DNAH14: variants seen among roughly 807,000 people sequenced by gnomAD.
DNAH14 encodes the protein axonemal beta dynein heavy chain 14.
A neutral mutation model predicts 520.9 loss-of-function variants in DNAH14; 478 were observed. That is an observed-to-expected ratio of 0.92 (90% CI 0.85 to 0.99). The LOEUF (loss-of-function observed/expected upper bound fraction) is 0.99. DNAH14 is among the 50% of genes least tolerant of loss of function. The pLI is 0.00. For missense variants in DNAH14, 4,831 were observed against 5,234.5 expected, an observed-to-expected ratio of 0.92 and a Z score of 2.38; for synonymous variants, 1,581 against 1,757.2, an observed-to-expected ratio of 0.90 and a Z score of 2.51.
At chr1:225,344,312 A>T (rs539876531) in intron 69 of DNAH14, among the ~76,000 whole-genome samples, 3 of 151,334 alleles carry the variant, frequency 2.0e-5, no homozygotes, top group Non-Finnish European at 4.4e-5. Context: ...TGTTGTACAG[A>T]TTATGTCATC....
chr1:225,251,975 G>C (rs2092571135), intron 43 of DNAH14, among the ~76,000 whole-genome samples: 1 of 152,148 alleles, frequency 6.6e-6, no homozygotes, highest in Admixed American at 6.5e-5. Flanking sequence ...CTGATATATT[G>C]GTTTGACCAC....
In DNAH14 at chr1:225,153,625, G is replaced by T. The variant is rs1365211339; in HGVS notation, c.5197-125G>T. The T allele has an allele frequency of 5.0e-6, 3 of 599,988 alleles. 1 individual carries two copies. The highest frequency in any genetic ancestry group is 3.4e-5 in the Admixed American group (1 of 29,666). The allele number at this position is 599,988 out of a possible 1,614,324, so 37.2% of individuals were successfully genotyped here. A position where few individuals can be genotyped will look rare whatever the true frequency, so the allele number is the denominator to read the frequency against. On this transcript the variant is annotated intron_variant, in intron 33 of 85. Transcript: ENST00000682510. ...TTAGCAGTATAACCAAGGGTTTTTTGGATTCATGTCACTGTTTCCCTGCAG... is the reference window on the plus strand; with the variant it reads ...TTAGCAGTATAACCAAGGGTTTTTTTGATTCATGTCACTGTTTCCCTGCAG...
intron 8 of DNAH14, among the ~76,000 whole-genome samples, chr1:224,980,259 C>G (rs773340168): frequency 4.6e-5 from 7 of 152,156 alleles, no homozygotes; most frequent in Non-Finnish European, 8.8e-5. Flanking sequence ...GGAGAGCACA[C>G]TGCCCTGAAG....
At chr1:225,103,955 C>T in intron 23 of DNAH14, among the ~76,000 whole-genome samples, 1 of 138,166 alleles carries the variant, frequency 7.2e-6, no homozygotes, top group Non-Finnish European at 1.5e-5. Flanking sequence ...GAGAGGGCAT[C>T]CCTGTCTTGT....
chr1:225,384,428 T>C (rs2150777297), intron 81 of DNAH14, among the ~76,000 whole-genome samples: 1 of 152,192 alleles, frequency 6.6e-6, no homozygotes. Flanking sequence ...AAAAAATCAA[T>C]GAATCCAGAA....
intron 8 of DNAH14, among the ~76,000 whole-genome samples, chr1:224,998,046 G>A (rs1472013821): frequency 5.3e-5 from 8 of 152,040 alleles, no homozygotes; most frequent in Non-Finnish European, 8.8e-5. Flanking sequence ...GAATTGGTAC[G>A]TTTCATCTAA....
chr1:224,932,132 G>T (rs991061135), intron 1 of DNAH14, among the ~76,000 whole-genome samples: 9 of 151,920 alleles, frequency 5.9e-5, no homozygotes, highest in Non-Finnish European at 1.2e-4. Flanking sequence ...TTTTGACTTT[G>T]ACTTTTTATT....
At chr1:225,189,109 G>A (rs994515541) in intron 37 of DNAH14, among the ~76,000 whole-genome samples, 2 of 151,720 alleles carry the variant, frequency 1.3e-5, no homozygotes, top group Non-Finnish European at 2.9e-5. Flanking sequence ...TGATATGATC[G>A]TGTGGTTTCT....
At chr1:225,350,095 C>T (rs2095345175) in intron 71 of DNAH14, among the ~76,000 whole-genome samples, 1 of 152,040 alleles carries the variant, frequency 6.6e-6, no homozygotes, top group Non-Finnish European at 1.5e-5. Flanking sequence ...AGTGTATTTG[C>T]CAAACACAGT....
chr1:225,257,906 A>G, intron 44 of DNAH14, 54 bp from the exon 45 acceptor site: 7 of 1,074,858 alleles, frequency 6.5e-6, no homozygotes, highest in Non-Finnish European at 9.2e-6. Context: ...AAAAAAGATG[A>G]GGTGAATAGT....
rs548854303 is a variant in DNAH14 at position 224,961,730 on chromosome 1, G to T, written c.367+1428G>T. 4.6e-5 allele frequency among the ~76,000 whole-genome samples: 7 copies of T among 152,244 alleles called. 1 individual carries two copies. The South Asian group carries it at 1.5e-3, about 32-fold the overall frequency. On this transcript the variant is annotated intron_variant, in intron 4 of 85. Coordinates refer to ENST00000682510, the MANE Select transcript of DNAH14 (RefSeq NM_001367479.1). ...CAATTCAAGGTGACATTTGGGTGAG[G>T]ACACAGAGCCAAACCATATTATGCA...
At chr1:225,064,397 A>G (rs1462890062) in intron 17 of DNAH14, among the ~76,000 whole-genome samples, 1 of 152,062 alleles carries the variant, frequency 6.6e-6, no homozygotes, top group African/African-American at 2.4e-5. Context: ...CATTTAATCC[A>G]TCAGTTCCAT....
At chr1:225,280,433 A>G (rs1445365322) in intron 54 of DNAH14, among the ~76,000 whole-genome samples, 1 of 152,010 alleles carries the variant, frequency 6.6e-6, no homozygotes, top group Non-Finnish European at 1.5e-5. Context: ...CCCCATCTCT[A>G]CTAAAAATAC....
At chr1:224,963,915 C>G (rs1353922033) in intron 4 of DNAH14, among the ~76,000 whole-genome samples, 1 of 152,100 alleles carries the variant, frequency 6.6e-6, no homozygotes. Flanking sequence ...CTTAGCATGG[C>G]TTTTTGTATG....
At chr1:224,985,566 G>T (rs1192464315) in intron 8 of DNAH14, among the ~76,000 whole-genome samples, 2 of 151,984 alleles carry the variant, frequency 1.3e-5, no homozygotes, top group African/African-American at 4.8e-5. Flanking sequence ...CTCCACTAAA[G>T]AATTTACTCG....
intron 1 of DNAH14, among the ~76,000 whole-genome samples, chr1:224,940,314 G>T (rs1254715273): frequency 6.6e-6 from 1 of 152,110 alleles, no homozygotes; most frequent in Non-Finnish European, 1.5e-5. Context: ...GTTGGTCAAA[G>T]GAGTTCACTA....
At chr1:225,062,170 G>A (rs2070236692) in intron 17 of DNAH14, among the ~76,000 whole-genome samples, 6 of 152,074 alleles carry the variant, frequency 3.9e-5, no homozygotes, top group Admixed American at 3.9e-4. Context: ...GCATGGTGGT[G>A]CACACCTGTG....
chr1:224,973,905 T>G (rs1212618780), intron 7 of DNAH14, among the ~76,000 whole-genome samples, 186 bp from the exon 8 acceptor site: 2 of 152,032 alleles, frequency 1.3e-5, no homozygotes, highest in East Asian at 3.8e-4. Context: ...TACATTTACC[T>G]TTTGCTCTAT....
intron 10 of DNAH14, among the ~76,000 whole-genome samples, chr1:225,019,367 C>T (rs1187297765): frequency 6.6e-6 from 1 of 152,130 alleles, no homozygotes; most frequent in African/African-American, 2.4e-5. Flanking sequence ...TACTAAAAGA[C>T]TTAAATATTC....
Sources: gnomAD v4.1 joint callset for allele counts (sites outside exome capture counted in the v4.1 genomes callset) on GRCh38, gnomAD v4.1.1 for gene constraint, MANE v1.5 for transcripts, NCBI Gene and HGNC (gene_info 2026-07-23, HGNC 2026-07-21) for gene names.